The following NOMO2 variants were observed in gnomAD, a reference collection of about 807,000 sequenced individuals.
NOMO2 encodes BOS complex subunit NOMO2.
A neutral mutation model predicts 67.1 loss-of-function variants in NOMO2; 14 were observed. The observed-to-expected ratio is 0.21, with a 90% CI of 0.14 to 0.33. The LOEUF (loss-of-function observed/expected upper bound fraction) is 0.33, where lower values mean the gene tolerates loss of function less well. Ranked by LOEUF, NOMO2 falls within the 10% of genes least tolerant of loss-of-function variation. NOMO2 has a pLI of 1.00. For missense variants in NOMO2, 178 were observed against 761.0 expected (o/e 0.23, Z 9.01); for synonymous variants, 80 against 305.9 (o/e 0.26, Z 7.71).
intron 3 of NOMO2, among the ~76,000 whole-genome samples, chr16:18,554,258 AG>A (rs1252444548): frequency 2.0e-5 from 3 of 152,130 alleles, no homozygotes; most frequent in East Asian, 1.9e-4. Flanking sequence ...CCAAGTACCC[AG>A]TGGGGCAGGG....
intron 6 of NOMO2, among the ~76,000 whole-genome samples, chr16:18,544,556 C>T (rs1218351899): frequency 2.6e-5 from 4 of 151,770 alleles, no homozygotes; most frequent in Non-Finnish European, 1.5e-5. Context: ...ATAAGACAAA[C>T]GTCCAGCTGT....
chr16:18,534,278 T>A (rs1458296923), intron 11 of NOMO2, among the ~76,000 whole-genome samples: 3 of 151,280 alleles, frequency 2.0e-5, no homozygotes, highest in Non-Finnish European at 2.9e-5. Flanking sequence ...AGGACCCCCC[T>A]CCCATTTGTG....
intron 11 of NOMO2, among the ~76,000 whole-genome samples, chr16:18,535,963 A>G (rs1414939958): frequency 6.6e-6 from 1 of 151,876 alleles, no homozygotes; most frequent in Non-Finnish European, 1.5e-5. Flanking sequence ...TGCCCCGCCA[A>G]CCTTTTGTAT....
intron 15 of NOMO2, among the ~76,000 whole-genome samples, chr16:18,528,728 G>A (rs922668459): frequency 7.3e-5 from 11 of 151,424 alleles, no homozygotes; most frequent in Non-Finnish European, 1.5e-4. Context: ...GCCAACACAG[G>A]TGGATCCCCT....
intron 2 of NOMO2, among the ~76,000 whole-genome samples, 173 bp downstream of exon 2, chr16:18,557,529 G>C (rs1411215237): frequency 3.3e-5 from 5 of 152,010 alleles, no homozygotes; most frequent in African/African-American, 1.2e-4. Flanking sequence ...CACTGTATTC[G>C]TCAAGGCAGT....
rs1902061117 is a variant in NOMO2, at chr16:18,561,907, G to A, written c.134C>T (p.Ser45Leu). Residue 45 changes from serine (S) to leucine (L), a missense_variant, in exon 1 of 31, where the codon TCG becomes TTG. By Grantham distance (145) the Ser-to-Leu change is moderately radical. Transcript: ENST00000622306. ...GAGCGAGTAGTTGATCTCCACGTCC[G>A]ACTTGACGAAGCCACCGCAGCCCAC... ...IVVGCGGFVKSDVEINYSLIE... is the reference protein window; with the variant it reads ...IVVGCGGFVKLDVEINYSLIE... 1 of 1,573,630 alleles carries A rather than the reference G, an allele frequency of 6.4e-7. No individual in the cohort carries two copies. The highest frequency in any genetic ancestry group is 1.2e-5 in the South Asian group (1 of 86,150).
Position 18,561,897 on chromosome 16 carries a change from C to A in NOMO2, c.144G>T (p.Glu48Asp). Residue 48 changes from glutamate to aspartate, a missense_variant, in exon 1 of 31, where the codon GAG becomes GAT. Transcript: ENST00000622306. ...TCACCTCGATGAGCGAGTAGTTGAT[C>A]TCCACGTCCGACTTGACGAAGCCAC... ...GCGGFVKSDV[E>D]INYSLIEIKL... 1.3e-6 allele frequency: 2 copies of A among 1,569,220 alleles called. No homozygotes were observed. The highest frequency in any genetic ancestry group is 1.7e-6 in the Non-Finnish European group (2 of 1,159,704).
rs749032591 is a variant in NOMO2, at chr16:18,533,134, G to A, written c.1266C>T (p.Thr422=). 5.2e-5 allele frequency: 84 copies of A among 1,611,280 alleles called. No homozygotes were observed. The highest frequency in any genetic ancestry group is 5.1e-4 in the East Asian group (23 of 44,842). The part of the protein sequence containing the change: ...GRISIIRFPD[T]VKQMNKYKVV... ...CTTTGTATTTATTCATCTGCTTGACGGTGTCCGGGAAGCGAATGATTGATA... is the reference window on the plus strand; with the variant it reads ...CTTTGTATTTATTCATCTGCTTGACAGTGTCCGGGAAGCGAATGATTGATA... Residue 422 remains threonine (T), a synonymous_variant, in exon 12 of 31, where the codon ACC becomes ACT. Coordinates refer to ENST00000622306, the MANE Select transcript of NOMO2 (RefSeq NM_173614.4).
intron 2 of NOMO2, among the ~76,000 whole-genome samples, 183 bp downstream of exon 2, chr16:18,557,519 C>G (rs1422227679): frequency 1.3e-5 from 2 of 151,938 alleles, no homozygotes; most frequent in African/African-American, 4.8e-5. Flanking sequence ...CAGAGAGAGC[C>G]ACTGTATTCG....
intron 6 of NOMO2, among the ~76,000 whole-genome samples, chr16:18,545,401 A>G (rs1241031095): frequency 6.6e-6 from 1 of 151,966 alleles, no homozygotes; most frequent in African/African-American, 2.4e-5. Context: ...CCAGCCTTGA[A>G]TAAAATATTT....
At chr16:18,520,370 T>TCATCCATCCATCCATCCATC (rs1208876919) in intron 20 of NOMO2, among the ~76,000 whole-genome samples, 2 of 116,052 alleles carry the variant, frequency 1.7e-5, no homozygotes, top group South Asian at 3.1e-4. Context: ...AATCATTCAT[T>TCATCCATCCATCCATCCATC]CATCCATCCA....
Position 18,561,173 on chromosome 16 carries a change from T to TAAAAAA in NOMO2, c.165+697_165+702dup, listed in dbSNP as rs756246897. On this transcript the variant is annotated intron_variant, in intron 1 of 30. Coordinates refer to ENST00000622306, the MANE Select transcript of NOMO2 (RefSeq NM_173614.4). ...ATTTAACAGGACTTTACAACTTAAT[T>TAAAAAA]AAAAAAAAAAAAAAAAAAAAAAAAA... Among the ~76,000 whole-genome samples the TAAAAAA allele has an allele frequency of 5.9e-3, 192 of 32,416 alleles. 12 individuals carry two copies. Among genetic ancestry groups the TAAAAAA allele is most frequent in the African/African-American group, 0.01 (82 of 8,104 alleles). 21.3% of individuals were successfully genotyped at this position (32,416 alleles called of 152,430 possible).
chr16:18,553,111 C>A (rs1596860798), intron 3 of NOMO2, among the ~76,000 whole-genome samples: 1 of 151,616 alleles, frequency 6.6e-6, no homozygotes, highest in East Asian at 1.9e-4. Context: ...CCCATCTCTA[C>A]TAAAAATACA....
chr16:18,544,093 C>T (rs1482934086), intron 6 of NOMO2, among the ~76,000 whole-genome samples: 1 of 151,110 alleles, frequency 6.6e-6, no homozygotes, highest in Non-Finnish European at 1.5e-5. Context: ...AGGGTTTCAC[C>T]GTGTTGGCCA....
At chr16:18,556,496 A>G (rs1901907221) in intron 2 of NOMO2, among the ~76,000 whole-genome samples, 1 of 151,398 alleles carries the variant, frequency 6.6e-6, no homozygotes, top group Admixed American at 6.6e-5. Context: ...GAAAGCATGC[A>G]AGAGGAAAAA....
intron 15 of NOMO2, among the ~76,000 whole-genome samples, chr16:18,528,985 AAAAATAC>A (rs1205226715): frequency 6.5e-5 from 6 of 92,224 alleles, no homozygotes; most frequent in African/African-American, 1.6e-4. Flanking sequence ...AAAAAAAAAA[AAAAATAC>A]ATATATATAT....
At chr16:18,560,431 C>T (rs904340460) in intron 1 of NOMO2, among the ~76,000 whole-genome samples, 1 of 151,680 alleles carries the variant, frequency 6.6e-6, no homozygotes, top group African/African-American at 2.4e-5. Flanking sequence ...GCCTTACTGG[C>T]CTCTTGCATT....
chr16:18,520,416 C>A (rs1343413461), intron 20 of NOMO2, among the ~76,000 whole-genome samples, 181 bp downstream of exon 20: 1 of 147,302 alleles, frequency 6.8e-6, no homozygotes, highest in Admixed American at 6.8e-5. Flanking sequence ...CCAACCCAAC[C>A]ATCCATCCAT....
chr16:18,561,835 G>C (rs1317705692), intron 1 of NOMO2, 41 bp downstream of exon 1: 2 of 1,537,644 alleles, frequency 1.3e-6, no homozygotes, highest in Non-Finnish European at 1.8e-6. Context: ...CTGAACCACC[G>C]GCCCGGCGAC....
Sources: allele counts gnomAD v4.1 joint callset (sites outside exome capture counted in the v4.1 genomes callset), GRCh38; gene constraint gnomAD v4.1.1; transcripts MANE v1.5; gene names NCBI Gene and HGNC (gene_info 2026-07-23, HGNC 2026-07-21).